SEMA3C: variants seen among roughly 807,000 people sequenced by gnomAD.
SEMA3C encodes the protein semaphorin 3C.
A neutral mutation model predicts 89.4 loss-of-function variants in SEMA3C; 47 were observed. The observed-to-expected ratio is 0.53, with a 90% confidence interval of 0.42 to 0.67. The LOEUF is 0.67. Ranked by LOEUF, SEMA3C falls within the 30% of genes least tolerant of loss-of-function variation. SEMA3C has a pLI of 0.00. For synonymous variants in SEMA3C, 310 were observed against 320.2 expected, an observed-to-expected ratio of 0.97 and a Z score of 0.34; for missense variants, 839 against 929.1, an observed-to-expected ratio of 0.90 and a Z score of 1.26.
intron 2 of SEMA3C, among the ~76,000 whole-genome samples, chr7:80,898,837 A>AG (rs1384740256): frequency 6.6e-6 from 1 of 152,074 alleles, no homozygotes; most frequent in Non-Finnish European, 1.5e-5. Flanking sequence ...AAAAAAAAAA[A>AG]AAAAATTGAG....
intron 2 of SEMA3C, among the ~76,000 whole-genome samples, chr7:80,829,521 TAG>T (rs1789961298): frequency 6.6e-6 from 1 of 152,196 alleles, no homozygotes; most frequent in Non-Finnish European, 1.5e-5. Flanking sequence ...TAATTCTAAT[TAG>T]TCCGACTTAT....
chr7:80,794,069 T>C (rs546549128), intron 11 of SEMA3C, among the ~76,000 whole-genome samples: 381 of 152,148 alleles, frequency 2.5e-3, no homozygotes, highest in African/African-American at 8.6e-3. Flanking sequence ...TAGCTGACCC[T>C]CATCTTCCTT....
At chr7:80,848,006 A>T (rs1219471081) in intron 2 of SEMA3C, among the ~76,000 whole-genome samples, 1 of 152,162 alleles carries the variant, frequency 6.6e-6, no homozygotes, top group East Asian at 1.9e-4. Context: ...ATGCTTTCAG[A>T]TTTTACGTAT....
chr7:80,862,629 T>G (rs1479040104), intron 2 of SEMA3C, among the ~76,000 whole-genome samples: 3 of 152,108 alleles, frequency 2.0e-5, no homozygotes, highest in Non-Finnish European at 4.4e-5. Flanking sequence ...AGAGCCTGTA[T>G]AGCCAAAGCA....
intron 2 of SEMA3C, among the ~76,000 whole-genome samples, chr7:80,855,100 G>A (rs903768736): frequency 1.3e-5 from 2 of 151,920 alleles, no homozygotes; most frequent in Non-Finnish European, 1.5e-5. Context: ...CCATGATTAC[G>A]GATCATCTCA....
chr7:80,810,040 A>T (rs144331800), intron 6 of SEMA3C, among the ~76,000 whole-genome samples: 1 of 152,278 alleles, frequency 6.6e-6, no homozygotes, highest in African/African-American at 2.4e-5. Flanking sequence ...CCATGGTGAC[A>T]GTAAATAAAA....
chr7:80,837,002 C>T (rs1790146054), intron 2 of SEMA3C, among the ~76,000 whole-genome samples: 1 of 152,088 alleles, frequency 6.6e-6, no homozygotes, highest in Non-Finnish European at 1.5e-5. Context: ...AATTTTAACC[C>T]TTTCCCATTT....
chr7:80,792,943 C>T (rs984128875), intron 11 of SEMA3C, among the ~76,000 whole-genome samples: 1 of 152,176 alleles, frequency 6.6e-6, no homozygotes, highest in Admixed American at 6.5e-5. Flanking sequence ...ACTTTTCTCT[C>T]ACCTTGCAAA....
chr7:80,882,833 T>C (rs1039505942), intron 2 of SEMA3C, among the ~76,000 whole-genome samples: 1 of 152,010 alleles, frequency 6.6e-6, no homozygotes, highest in Admixed American at 6.6e-5. Context: ...TATATAAATA[T>C]TTTATTTGGA....
At chr7:80,774,713 C>T (rs1244554237) in intron 12 of SEMA3C, among the ~76,000 whole-genome samples, 3 of 151,718 alleles carry the variant, frequency 2.0e-5, no homozygotes, top group Non-Finnish European at 4.4e-5. Flanking sequence ...GTGAACAGAC[C>T]CTCTTGGCCT....
At chr7:80,905,328 G>T (rs1188839154) in intron 2 of SEMA3C, among the ~76,000 whole-genome samples, 1 of 98,126 alleles carries the variant, frequency 1.0e-5, no homozygotes, top group Non-Finnish European at 2.0e-5. Flanking sequence ...GAGAGAGGGG[G>T]AGGGGTGGAG....
intron 2 of SEMA3C, among the ~76,000 whole-genome samples, chr7:80,904,934 TAC>T (rs540593993): frequency 1.0e-3 from 156 of 152,128 alleles, no homozygotes; most frequent in African/African-American, 3.4e-3. Context: ...AATTCAGAAT[TAC>T]AGTTTCTTTT....
At chr7:80,843,412 A>G (rs868497308) in intron 2 of SEMA3C, among the ~76,000 whole-genome samples, 1 of 152,142 alleles carries the variant, frequency 6.6e-6, no homozygotes, top group Non-Finnish European at 1.5e-5. Context: ...TTCCTGGAAC[A>G]AAGTCTGGCT....
chr7:80,798,353 A>T, intron 10 of SEMA3C, 117 bp from the exon 11 acceptor site: 1 of 927,936 alleles, frequency 1.1e-6, no homozygotes, highest in Non-Finnish European at 1.5e-6. Flanking sequence ...GAAAAGTTAA[A>T]TGTTATCGAA....
At chr7:80,858,480 T>C (rs1390802564) in intron 2 of SEMA3C, among the ~76,000 whole-genome samples, 2 of 152,208 alleles carry the variant, frequency 1.3e-5, no homozygotes, top group African/African-American at 2.4e-5. Context: ...GCTAGAGTAC[T>C]GCTCTTAAGA....
At chr7:80,818,707 G>T (rs12669329) in intron 4 of SEMA3C, among the ~76,000 whole-genome samples, 1 of 151,914 alleles carries the variant, frequency 6.6e-6, no homozygotes, top group South Asian at 2.1e-4. Flanking sequence ...AAAAGTTTAC[G>T]AATTTGTGCT....
intron 12 of SEMA3C, among the ~76,000 whole-genome samples, chr7:80,784,686 C>T (rs924057666): frequency 2.6e-5 from 4 of 152,088 alleles, no homozygotes; most frequent in African/African-American, 9.7e-5. Context: ...AACTAATCAA[C>T]TCTGCTTCTG....
upstream of SEMA3C, chr7:80,919,129 C>A (rs1349712338): frequency 1.0e-6 from 1 of 984,580 alleles, no homozygotes; most frequent in African/African-American, 1.7e-5. Context: ...GCTCCGGCTG[C>A]CCCGGCGCGC....
chr7:80,758,490 T>C lies in SEMA3C; in HGVS notation c.1486-2A>G. 1.2e-6 allele frequency: 2 copies of C among 1,613,154 alleles called. No individual in the cohort carries two copies. The highest frequency in any genetic ancestry group is 1.7e-6 in the Non-Finnish European group (2 of 1,179,280). On this transcript the variant is annotated splice_acceptor_variant, in intron 14 of 17. Coordinates refer to ENST00000265361, the MANE Select transcript of SEMA3C (RefSeq NM_006379.5). LOFTEE classifies it high-confidence loss of function. The stretch of plus-strand genomic sequence containing the variant: ...ATTGGAACTCACATACAACTGTTGC[T>C]ATTAAAGGAATGATGATGATTTATT...
Sources: allele counts gnomAD v4.1 joint callset (sites outside exome capture counted in the v4.1 genomes callset), GRCh38; gene constraint gnomAD v4.1.1; transcripts MANE v1.5; gene names NCBI Gene and HGNC (gene_info 2026-07-23, HGNC 2026-07-21).